The following EBF1 variants were observed in gnomAD, a reference collection of about 807,000 sequenced individuals.
EBF1 encodes EBF transcription factor 1, also known as transcription factor COE1.
Under a neutral mutation model 68.4 loss-of-function variants are expected in EBF1, and 10 were observed. The ratio of observed to expected loss-of-function variants is 0.15; its 90% CI spans 0.09 to 0.25. EBF1 has a LOEUF of 0.25. EBF1 is among the 10% of genes least tolerant of loss of function. EBF1 has a pLI of 1.00. For missense variants in EBF1, 509 were observed against 794.4 expected, an observed-to-expected ratio of 0.64 and a Z score of 4.32; for synonymous variants, 298 against 299.8, an observed-to-expected ratio of 0.99 and a Z score of 0.06.
At chr5:159,042,767 T>A (rs1771476430) in intron 6 of EBF1, among the ~76,000 whole-genome samples, 1 of 152,084 alleles carries the variant, frequency 6.6e-6, no homozygotes, top group Admixed American at 6.6e-5. Context: ...TTAAAAAGTC[T>A]AAGTTGTTAA....
intron 6 of EBF1, among the ~76,000 whole-genome samples, chr5:158,867,886 C>T (rs1251803979): frequency 6.6e-6 from 1 of 152,190 alleles, no homozygotes; most frequent in African/African-American, 2.4e-5. Context: ...CTTTGATGAG[C>T]ATTCGACCAT....
In EBF1 at chr5:159,075,369, T is replaced by C. The variant is rs559386557; in HGVS notation, c.486-1905A>G. Among the ~76,000 whole-genome samples the C allele has an allele frequency of 4.6e-5, 7 of 152,286 alleles. No homozygotes were observed. The South Asian group carries it at 1.5e-3, about 32-fold the overall frequency. Reference sequence around the variant, plus strand: ...GCAGCAGGTCTCCAAAAGCAGCCCATCGACAGAGCCCACGTCTCCTTTACC... The same window carrying C: ...GCAGCAGGTCTCCAAAAGCAGCCCACCGACAGAGCCCACGTCTCCTTTACC... On this transcript the variant is annotated intron_variant, in intron 5 of 15. Transcript: ENST00000313708.
chr5:158,985,185 G>C (rs1758779129), intron 6 of EBF1, among the ~76,000 whole-genome samples: 1 of 152,148 alleles, frequency 6.6e-6, no homozygotes, highest in African/African-American at 2.4e-5. Flanking sequence ...AATGATACGA[G>C]AATACCATTT....
intron 6 of EBF1, among the ~76,000 whole-genome samples, chr5:158,934,642 C>A (rs1156443254): frequency 6.6e-6 from 1 of 152,200 alleles, no homozygotes; most frequent in East Asian, 1.9e-4. Flanking sequence ...TATAATCAGT[C>A]CAAACATTTT....
chr5:158,793,469 G>A (rs1779043243), intron 9 of EBF1, among the ~76,000 whole-genome samples: 1 of 151,952 alleles, frequency 6.6e-6, no homozygotes, highest in African/African-American at 2.4e-5. Flanking sequence ...TATACCACCT[G>A]GCTTATGAAA....
At chr5:158,883,255 T>A (rs1266741792) in intron 6 of EBF1, among the ~76,000 whole-genome samples, 1 of 152,050 alleles carries the variant, frequency 6.6e-6, no homozygotes, top group Non-Finnish European at 1.5e-5. Context: ...AAAACATGAA[T>A]GTCCCTTTTT....
intron 8 of EBF1, among the ~76,000 whole-genome samples, chr5:158,806,231 C>T (rs570917272): frequency 8.5e-5 from 13 of 152,136 alleles, no homozygotes; most frequent in Admixed American, 5.2e-4. Context: ...CTACCAGGCA[C>T]GGTGGAGAGG....
At chr5:158,997,231 G>A (rs1176302237) in intron 6 of EBF1, among the ~76,000 whole-genome samples, 1 of 152,150 alleles carries the variant, frequency 6.6e-6, no homozygotes, top group Non-Finnish European at 1.5e-5. Flanking sequence ...AGAGTGGGCA[G>A]TTTCCAGGTG....
intron 10 of EBF1, among the ~76,000 whole-genome samples, chr5:158,740,744 G>A (rs947780519): frequency 1.4e-4 from 21 of 152,212 alleles, no homozygotes; most frequent in Non-Finnish European, 1.8e-4. Flanking sequence ...GGCTTCTTCA[G>A]TATTGACCTA....
In EBF1 at chr5:158,827,151, T is replaced by C. The variant is rs371742891; in HGVS notation, c.637-3834A>G. Among the ~76,000 whole-genome samples, 7 of 152,264 alleles carry C rather than the reference T, an allele frequency of 4.6e-5. No individual in the cohort carries two copies. The East Asian group carries it at 7.7e-4, about 17-fold the overall frequency. The stretch of plus-strand genomic sequence containing the variant: ...ATTAGTAGCAGTAATAGAGTAGTAG[T>C]TGTCAATTTGTGGGTGATGTTAAAC... On this transcript the variant is annotated intron_variant, in intron 7 of 15. Transcript: ENST00000313708.
At chr5:158,804,751 G>A (rs1447955375) in intron 8 of EBF1, among the ~76,000 whole-genome samples, 1 of 152,098 alleles carries the variant, frequency 6.6e-6, no homozygotes, top group Non-Finnish European at 1.5e-5. Context: ...TCCACCTCAT[G>A]TTTGATCTGC....
At chr5:158,946,642 C>T (rs1013892443) in intron 6 of EBF1, among the ~76,000 whole-genome samples, 6 of 152,186 alleles carry the variant, frequency 3.9e-5, no homozygotes, top group African/African-American at 1.4e-4. Flanking sequence ...GGAGGTGTCT[C>T]TCCATCAGGA....
chr5:159,097,578 C>T (rs1487320584), intron 1 of EBF1: 5 of 239,164 alleles, frequency 2.1e-5, no homozygotes, highest in African/African-American at 1.1e-4. Context: ...AAAACATGCT[C>T]GGCGTCTCGC....
chr5:158,821,397 G>A (rs936148618), intron 8 of EBF1, among the ~76,000 whole-genome samples: 4 of 152,140 alleles, frequency 2.6e-5, no homozygotes, highest in Non-Finnish European at 4.4e-5. Flanking sequence ...GGTTTTTGTT[G>A]GAGGGATAAT....
chr5:159,069,214 T>TAAA (rs5872584), intron 6 of EBF1, among the ~76,000 whole-genome samples: 1,954 of 149,890 alleles, frequency 0.013, 40 homozygotes, highest in African/African-American at 0.045. Flanking sequence ...TTCTATCTAC[T>TAAA]AAAAAAAAAA....
intron 6 of EBF1, among the ~76,000 whole-genome samples, chr5:158,995,536 G>A (rs527971575): frequency 6.6e-6 from 1 of 152,268 alleles, no homozygotes; most frequent in Admixed American, 6.5e-5. Flanking sequence ...TGCAAGAGAG[G>A]CTCTTGACAC....
chr5:158,910,012 C>T (rs1478593015), intron 6 of EBF1, among the ~76,000 whole-genome samples: 1 of 126,084 alleles, frequency 7.9e-6, no homozygotes, highest in Non-Finnish European at 1.7e-5. Context: ...AGAGCTGGAA[C>T]TAGAAGAGCA....
At chr5:159,089,935 G>A (rs1157006262) in intron 4 of EBF1, among the ~76,000 whole-genome samples, 3 of 151,912 alleles carry the variant, frequency 2.0e-5, no homozygotes, top group Admixed American at 1.3e-4. Flanking sequence ...AAGGTTATCA[G>A]TAACTAACAA....
intron 4 of EBF1, among the ~76,000 whole-genome samples, chr5:159,086,661 C>T (rs1400641109): frequency 6.6e-6 from 1 of 152,096 alleles, no homozygotes. Flanking sequence ...TTGACTAGTT[C>T]CACTATTGGC....
Sources: gnomAD v4.1 joint callset for allele counts (sites outside exome capture counted in the v4.1 genomes callset) on GRCh38, gnomAD v4.1.1 for gene constraint, MANE v1.5 for transcripts, NCBI Gene and HGNC (gene_info 2026-07-23, HGNC 2026-07-21) for gene names.